ZUP1: variants seen among roughly 807,000 people sequenced by gnomAD.
The protein encoded by ZUP1 is zinc finger containing ubiquitin peptidase 1, also known as zinc finger-containing ubiquitin peptidase 1.
In ZUP1, 55 loss-of-function variants were observed where a neutral mutation model predicts 68.1. The ratio of observed to expected loss-of-function variants is 0.81; its 90% CI spans 0.65 to 1.01. ZUP1 has a LOEUF of 1.01. Ranked by LOEUF, ZUP1 falls within the 50% of genes least tolerant of loss-of-function variation. ZUP1 has a pLI of 0.00. For synonymous variants in ZUP1, 223 were observed against 221.5 expected (o/e 1.01, Z -0.06); for missense variants, 684 against 674.9 (o/e 1.01, Z -0.15).
chr6:116,650,078 A>T (rs563667759), intron 7 of ZUP1, among the ~76,000 whole-genome samples: 1 of 152,290 alleles, frequency 6.6e-6, no homozygotes, highest in East Asian at 1.9e-4. Context: ...TAAATCTAGA[A>T]AATAGAGAAA....
At chr6:116,648,275 GT>G (rs1308257539) in intron 7 of ZUP1, among the ~76,000 whole-genome samples, 2 of 152,150 alleles carry the variant, frequency 1.3e-5, no homozygotes, top group Non-Finnish European at 2.9e-5. Flanking sequence ...CTCAACAACT[GT>G]TTTTAAAAGG....
chr6:116,664,829 C>T (rs1489382547), intron 2 of ZUP1, among the ~76,000 whole-genome samples: 1 of 151,122 alleles, frequency 6.6e-6, no homozygotes. Flanking sequence ...CAGGGAAAAA[C>T]TAAAAATTAG....
intron 4 of ZUP1, 42 bp downstream of exon 4, chr6:116,658,761 T>C: frequency 6.6e-7 from 1 of 1,507,234 alleles, no homozygotes; most frequent in East Asian, 2.3e-5. Context: ...GAAAAATAAC[T>C]TTACCAAATC....
chr6:116,646,244 T>C (rs45603941), intron 8 of ZUP1: 2,217 of 208,876 alleles, frequency 0.011, 23 homozygotes, highest in Middle Eastern at 0.023. Context: ...ACAAAAACTG[T>C]TCTAGAACAA....
In ZUP1 at chr6:116,655,784, A is replaced by T. The variant is rs989820128; in HGVS notation, c.961+900T>A. 5.3e-5 allele frequency among the ~76,000 whole-genome samples: 8 copies of T among 152,278 alleles called. No individual in the cohort carries two copies. In the East Asian group the frequency reaches 1.3e-3, roughly 26 times the overall value. On this transcript the variant is annotated intron_variant, in intron 5 of 9. Coordinates refer to ENST00000368576, the MANE Select transcript of ZUP1 (RefSeq NM_145062.3). ...TTTGGAATATATAACAGTACAGGAG[A>T]GGATGTTTTGAGTTAAATGATACAA...
chr6:116,641,690 G>A (rs1304989942), intron 9 of ZUP1, among the ~76,000 whole-genome samples: 1 of 152,086 alleles, frequency 6.6e-6, no homozygotes, highest in Non-Finnish European at 1.5e-5. Flanking sequence ...ATTCAAAGCA[G>A]TGTGTAGAGG....
chr6:116,639,131 C>G (rs1036376332), intron 9 of ZUP1, among the ~76,000 whole-genome samples: 27 of 152,256 alleles, frequency 1.8e-4, no homozygotes, highest in African/African-American at 5.1e-4. Flanking sequence ...AGCAAGGCTG[C>G]GGGAGGGGTG....
intron 8 of ZUP1, among the ~76,000 whole-genome samples, chr6:116,646,816 T>C (rs1411826731): frequency 6.6e-6 from 1 of 152,152 alleles, no homozygotes. Flanking sequence ...GCTCAAGCAA[T>C]CCTCCTGCTT....
rs888350477 is a variant in ZUP1, at chr6:116,647,550, A to C, written c.1377T>G (p.Phe459Leu). The change falls in exon 8 of 10, where the codon TTT (phenylalanine) becomes TTG (leucine). Residue 459 changes from phenylalanine to leucine, a missense_variant. Coordinates refer to ENST00000368576, the MANE Select transcript of ZUP1 (RefSeq NM_145062.3). Reference protein sequence around the residue: ...TGPLGTHPRLFEWILNYYSSE... With the variant: ...TGPLGTHPRLLEWILNYYSSE... Reference sequence around the variant, plus strand: ...AAGAATAATAGTTCAATATCCATTCAAATAAGCGAGGGTGTGTACCCAAAG... The same window carrying C: ...AAGAATAATAGTTCAATATCCATTCCAATAAGCGAGGGTGTGTACCCAAAG... The C allele has an allele frequency of 6.2e-7, 1 of 1,601,616 alleles. No homozygotes were observed. The highest frequency in any genetic ancestry group is 8.5e-7 in the Non-Finnish European group (1 of 1,171,466).
intron 2 of ZUP1, among the ~76,000 whole-genome samples, 199 bp from the exon 3 acceptor site, chr6:116,661,045 A>AT (rs962304223): frequency 6.3e-4 from 91 of 145,008 alleles, no homozygotes; most frequent in Middle Eastern, 3.6e-3. Flanking sequence ...CGCCCAGCTA[A>AT]TTTTTTTTTT....
At chr6:116,651,081 T>C (rs939264955) in intron 7 of ZUP1, among the ~76,000 whole-genome samples, 3 of 151,912 alleles carry the variant, frequency 2.0e-5, no homozygotes, top group African/African-American at 7.3e-5. Flanking sequence ...GTGCAAAAAC[T>C]TGAGGCCATG....
Position 116,645,733 on chromosome 6 carries a change from A to G in ZUP1, c.1670T>C (p.Leu557Pro), listed in dbSNP as rs760106526. 6 of 1,611,482 alleles carry G rather than the reference A, an allele frequency of 3.7e-6. No homozygotes were observed. In the Admixed American group the frequency reaches 1.0e-4, roughly 27 times the overall value. ...QYQILAVEGA[L>P]SLEEKLARRQ... ...ACTTACAAGTTTCTCCTCTAGAGAA[A>G]GAGCACCCTCTACTGCCAATATCTG... The change falls in exon 9 of 10, where the codon CTT becomes CCT. Residue 557 changes from leucine to proline, a missense_variant. Transcript: ENST00000368576.
chr6:116,638,902 G>A (rs1775988933), intron 9 of ZUP1, among the ~76,000 whole-genome samples: 1 of 152,268 alleles, frequency 6.6e-6, no homozygotes, highest in Non-Finnish European at 1.5e-5. Flanking sequence ...CACTCGGGAA[G>A]CGCAAGGGGT....
chr6:116,662,908 T>G (rs1562411908), intron 2 of ZUP1, among the ~76,000 whole-genome samples: 1 of 152,192 alleles, frequency 6.6e-6, no homozygotes, highest in Non-Finnish European at 1.5e-5. Flanking sequence ...TCTGAAGTCT[T>G]AGACACTCCT....
Position 116,645,105 on chromosome 6 carries a change from G to C in ZUP1, c.1689+609C>G, listed in dbSNP as rs556421045. Among the ~76,000 whole-genome samples the C allele has an allele frequency of 8.0e-4, 121 of 151,214 alleles. 1 individual carries two copies. Among genetic ancestry groups the C allele is most frequent in the African/African-American group, 2.9e-3 (118 of 41,290 alleles). ...AGTTTTAATTAACATACAGTAAACT[G>C]CACATATTTAAAATGCAAAAAAATT... On this transcript the variant is annotated intron_variant, in intron 9 of 9. Coordinates refer to ENST00000368576, the MANE Select transcript of ZUP1 (RefSeq NM_145062.3).
intron 2 of ZUP1, among the ~76,000 whole-genome samples, chr6:116,662,093 T>C (rs1471433775): frequency 2.6e-5 from 4 of 152,216 alleles, no homozygotes; most frequent in Non-Finnish European, 4.4e-5. Context: ...AAAAATTCAA[T>C]GGCAAAGCTC....
chr6:116,651,692 T>G lies in ZUP1; in HGVS notation c.1196A>C (p.Asp399Ala). Residue 399 changes from aspartate (D) to alanine (A), a missense_variant, in exon 7 of 10, where the codon GAT (aspartate) becomes GCT (alanine). By Grantham distance (126) the Asp-to-Ala change is moderately radical. Transcript: ENST00000368576. Reference protein sequence around the residue: ...CIPKIQSMIEDAWKEGFDPQG... With the variant: ...CIPKIQSMIEAAWKEGFDPQG... The stretch of plus-strand genomic sequence containing the variant: ...AGGATCAAAACCTTCCTTCCATGCA[T>G]CTTCAATCATAGATTGAATTTTTGG... 6.2e-7 allele frequency: 1 copy of G among 1,613,830 alleles called. No individual in the cohort carries two copies. Among genetic ancestry groups the G allele is most frequent in the Non-Finnish European group, 8.5e-7 (1 of 1,179,824 alleles).
At chr6:116,646,594 T>C (rs924149627) in intron 8 of ZUP1, among the ~76,000 whole-genome samples, 3 of 152,174 alleles carry the variant, frequency 2.0e-5, no homozygotes, top group Admixed American at 6.5e-5. Flanking sequence ...TACGTGTTTT[T>C]GACACAGCCT....
chr6:116,636,280 A>C (rs574499442), intron 9 of ZUP1, among the ~76,000 whole-genome samples: 1 of 152,292 alleles, frequency 6.6e-6, no homozygotes, highest in South Asian at 2.1e-4. Context: ...ACTTCAAAAA[A>C]ATTTTCAATG....
Sources: gnomAD v4.1 joint callset for allele counts (sites outside exome capture counted in the v4.1 genomes callset) on GRCh38, gnomAD v4.1.1 for gene constraint, MANE v1.5 for transcripts, NCBI Gene and HGNC (gene_info 2026-07-23, HGNC 2026-07-21) for gene names.